Variants in DCUN1D1 observed in about 807,000 individuals in gnomAD.
DCUN1D1 encodes DCN1-like protein 1.
DCUN1D1 carries 3 observed loss-of-function variants against 39.0 expected under a neutral mutation model. The ratio of observed to expected loss-of-function variants is 0.08; its 90% CI spans 0.04 to 0.20. The LOEUF (loss-of-function observed/expected upper bound fraction) is 0.20, where lower values mean the gene tolerates loss of function less well. Ranked by LOEUF, DCUN1D1 falls within the 10% of genes least tolerant of loss-of-function variation. The pLI is 1.00. For missense variants in DCUN1D1, 158 were observed against 302.4 expected, an observed-to-expected ratio of 0.52 and a Z score of 3.54; for synonymous variants, 82 against 96.3, an observed-to-expected ratio of 0.85 and a Z score of 0.87.
intron 1 of DCUN1D1, among the ~76,000 whole-genome samples, chr3:182,975,058 G>A (rs1728148824): frequency 6.6e-6 from 1 of 151,930 alleles, no homozygotes; most frequent in Admixed American, 6.6e-5. Context: ...AAATTTAAAA[G>A]GAGTTTTCTC....
intron 4 of DCUN1D1, among the ~76,000 whole-genome samples, chr3:182,954,279 T>A (rs1287086366): frequency 6.6e-6 from 1 of 152,184 alleles, no homozygotes; most frequent in Admixed American, 6.5e-5. Flanking sequence ...ACGCAAAAGT[T>A]CACAGAACTA....
chr3:182,980,699 G>C (rs1325836187), upstream of DCUN1D1: 3 of 458,592 alleles, frequency 6.5e-6, no homozygotes, highest in Non-Finnish European at 8.7e-6. Flanking sequence ...CTTCCCCCGG[G>C]CGCGGGGGTC....
At chr3:182,951,191 A>G (rs1726714587) in intron 4 of DCUN1D1, among the ~76,000 whole-genome samples, 2 of 152,026 alleles carry the variant, frequency 1.3e-5, no homozygotes, top group South Asian at 4.1e-4. Flanking sequence ...TTGTGACTAA[A>G]TATTTGCTGT....
intron 1 of DCUN1D1, among the ~76,000 whole-genome samples, chr3:182,974,638 G>A (rs1388525370): frequency 6.6e-6 from 1 of 151,832 alleles, no homozygotes; most frequent in Non-Finnish European, 1.5e-5. Flanking sequence ...AAATCAGGAA[G>A]TATTAGAATC....
intron 1 of DCUN1D1, among the ~76,000 whole-genome samples, chr3:182,966,070 C>A (rs1577187629): frequency 6.6e-6 from 1 of 152,192 alleles, no homozygotes; most frequent in South Asian, 2.1e-4. Context: ...ACCCTCCAAA[C>A]CCCGACCAAG....
upstream of DCUN1D1, chr3:182,980,609 C>T (rs2108409663): frequency 8.5e-6 from 9 of 1,062,392 alleles, no homozygotes; most frequent in South Asian, 2.7e-4. Context: ...TGCGGGGCGG[C>T]CCGGCGCGGC....
intron 4 of DCUN1D1, among the ~76,000 whole-genome samples, chr3:182,948,885 T>A (rs746427339): frequency 6.6e-6 from 1 of 151,092 alleles, no homozygotes; most frequent in African/African-American, 2.4e-5. Context: ...CCATCGCTAC[T>A]AAAAACACAA....
upstream of DCUN1D1, chr3:182,980,683 G>C (rs1335966905): frequency 1.5e-6 from 1 of 646,656 alleles, no homozygotes; most frequent in East Asian, 1.2e-4. Context: ...GGCGCCCCGC[G>C]CGGGGCTTCC....
At chr3:182,977,557 T>A (rs1472310527) in intron 1 of DCUN1D1, among the ~76,000 whole-genome samples, 1 of 151,986 alleles carries the variant, frequency 6.6e-6, no homozygotes, top group Non-Finnish European at 1.5e-5. Context: ...CGCCTCAGCC[T>A]CCTGAGTAGC....
At chr3:182,963,277 T>A (rs1727497726) in intron 3 of DCUN1D1, among the ~76,000 whole-genome samples, 1 of 152,196 alleles carries the variant, frequency 6.6e-6, no homozygotes, top group Non-Finnish European at 1.5e-5. Context: ...TTAACTGAAA[T>A]AAAATAATGT....
chr3:182,974,263 A>G (rs1728096708), intron 1 of DCUN1D1, among the ~76,000 whole-genome samples: 1 of 152,224 alleles, frequency 6.6e-6, no homozygotes, highest in South Asian at 2.1e-4. Flanking sequence ...CAAAAAAACA[A>G]AAAACAAAAG....
intron 3 of DCUN1D1, among the ~76,000 whole-genome samples, chr3:182,963,081 CT>C (rs1305825888): frequency 6.6e-6 from 1 of 152,118 alleles, no homozygotes; most frequent in African/African-American, 2.4e-5. Flanking sequence ...CGCCTAGCCC[CT>C]GGTGTGGTTT....
At position 182,977,163 on chromosome 3, in the gene DCUN1D1, C is replaced by T. The variant is rs565140877; in HGVS notation, c.3+3324G>A. Among the ~76,000 whole-genome samples the T allele has an allele frequency of 2.6e-5, 4 of 152,260 alleles. No individual in the cohort carries two copies. The South Asian group carries it at 8.3e-4, about 32-fold the overall frequency. On this transcript the variant is annotated intron_variant, in intron 1 of 6. Coordinates refer to ENST00000292782, the MANE Select transcript of DCUN1D1 (RefSeq NM_020640.4). ...ATTTCATATGAGTTAACAGATAATA[C>T]TGGGGGAAATGGTAGACCAGGAGAA...
At chr3:182,970,868 T>G (rs182343337) in intron 1 of DCUN1D1, among the ~76,000 whole-genome samples, 356 of 152,202 alleles carry the variant, frequency 2.3e-3, no homozygotes, top group Middle Eastern at 6.8e-3. Context: ...CAAAAGGCCC[T>G]CCAATAGACT....
At chr3:182,980,060 G>A (rs920293436) in intron 1 of DCUN1D1, 13 of 706,756 alleles carry the variant, frequency 1.8e-5, no homozygotes, top group Non-Finnish European at 2.3e-5. Context: ...CTTCGGGGCG[G>A]GGGGAGGCTA....
chr3:182,979,396 G>C (rs1214215534), intron 1 of DCUN1D1, among the ~76,000 whole-genome samples: 1 of 152,024 alleles, frequency 6.6e-6, no homozygotes. Context: ...TCCTCAAAGA[G>C]GCCTTTATGT....
Position 182,938,285 on chromosome 3 carries a change from T to C in DCUN1D1, c.*6809A>G, listed in dbSNP as rs1725982296. ...GAATTTGAAGCCAAAGAGTGGAGAG[T>C]GTGGGGATCCACTGGGTAGGACATT... On this transcript the variant is annotated 3_prime_UTR_variant, in exon 7 of 7. Coordinates refer to ENST00000292782, the MANE Select transcript of DCUN1D1 (RefSeq NM_020640.4). 6.6e-6 allele frequency: 1 copy of C among 151,356 alleles called. No homozygotes were observed. The highest frequency in any genetic ancestry group is 1.9e-4 in the East Asian group (1 of 5,172). 9.4% of individuals were successfully genotyped at this position (151,356 alleles called of 1,614,324 possible).
chr3:182,985,299 A>C (rs909312393), upstream of DCUN1D1, among the ~76,000 whole-genome samples: 1 of 152,186 alleles, frequency 6.6e-6, no homozygotes, highest in African/African-American at 2.4e-5. Flanking sequence ...GTGATACCAA[A>C]GGAATGACTG....
Position 182,972,688 on chromosome 3 carries a change from C to G in DCUN1D1, c.4-6935G>C, listed in dbSNP as rs561852129. 1.1e-4 allele frequency among the ~76,000 whole-genome samples: 16 copies of G among 152,086 alleles called. No individual in the cohort carries two copies. The South Asian group carries it at 3.3e-3, about 32-fold the overall frequency. On this transcript the variant is annotated intron_variant, in intron 1 of 6. Transcript: ENST00000292782. ...TCCAGAAAGTTGAGGCTGCAATGAG[C>G]CATGATCACATCACTAACTCCAGCC...
Sources: gnomAD v4.1 joint callset for allele counts (sites outside exome capture counted in the v4.1 genomes callset) on GRCh38, gnomAD v4.1.1 for gene constraint, MANE v1.5 for transcripts, NCBI Gene and HGNC (gene_info 2026-07-23, HGNC 2026-07-21) for gene names.